SYT1: variants seen among roughly 807,000 people sequenced by gnomAD.
SYT1 encodes the protein synaptotagmin 1, also known as synaptotagmin-1.
Under a neutral mutation model 44.8 loss-of-function variants are expected in SYT1, and 8 were observed. The observed-to-expected ratio is 0.18, with a 90% CI of 0.10 to 0.32. The LOEUF is 0.32. Ranked by LOEUF, SYT1 falls within the 10% of genes least tolerant of loss-of-function variation. The probability of loss-of-function intolerance (pLI) is 1.00; values close to 1 mark genes in which losing one functional copy is unlikely to be tolerated. For missense variants in SYT1, 286 were observed against 509.3 expected, an observed-to-expected ratio of 0.56 and a Z score of 4.22; for synonymous variants, 154 against 188.8, an observed-to-expected ratio of 0.82 and a Z score of 1.51.
chr12:79,430,416 G>A (rs1426584756), intron 9 of SYT1, among the ~76,000 whole-genome samples: 1 of 152,136 alleles, frequency 6.6e-6, no homozygotes, highest in Admixed American at 6.5e-5. Context: ...CTTCCCAACT[G>A]AACTATAAGT....
At chr12:78,990,981 T>G (rs1018443006) in intron 2 of SYT1, among the ~76,000 whole-genome samples, 2 of 152,192 alleles carry the variant, frequency 1.3e-5, no homozygotes, top group African/African-American at 4.8e-5. Flanking sequence ...TATGAGAATC[T>G]TTGTTTTACT....
chr12:79,187,386 C>T (rs1350872654), intron 3 of SYT1, among the ~76,000 whole-genome samples: 1 of 152,070 alleles, frequency 6.6e-6, no homozygotes, highest in Non-Finnish European at 1.5e-5. Flanking sequence ...AAGCAACGCT[C>T]CTAGCACCTC....
intron 1 of SYT1, among the ~76,000 whole-genome samples, chr12:78,890,298 G>A (rs184038640): frequency 5.3e-5 from 8 of 151,840 alleles, no homozygotes; most frequent in African/African-American, 1.9e-4. Context: ...TCCATAGTGG[G>A]AGGGAAAGAA....
At chr12:79,038,188 C>CAT (rs1192443430) in intron 2 of SYT1, among the ~76,000 whole-genome samples, 7 of 150,352 alleles carry the variant, frequency 4.7e-5, no homozygotes, top group Middle Eastern at 3.6e-3. Context: ...TACACACACA[C>CAT]ATATATATAC....
At chr12:79,294,588 A>G (rs1393383452) in intron 6 of SYT1, among the ~76,000 whole-genome samples, 4 of 152,158 alleles carry the variant, frequency 2.6e-5, no homozygotes, top group Non-Finnish European at 5.9e-5. Context: ...AAATATCCAA[A>G]AACTCTAAAT....
intron 8 of SYT1, among the ~76,000 whole-genome samples, chr12:79,305,941 C>G (rs745357983): frequency 3.3e-5 from 5 of 152,212 alleles, no homozygotes; most frequent in Non-Finnish European, 5.9e-5. Flanking sequence ...AAGTGACCCA[C>G]CCACCTCGGC....
At chr12:79,265,479 T>C (rs1281175101) in intron 4 of SYT1, among the ~76,000 whole-genome samples, 1 of 152,152 alleles carries the variant, frequency 6.6e-6, no homozygotes, top group African/African-American at 2.4e-5. Context: ...GATAGTACTA[T>C]ACTAACTGAT....
chr12:78,898,600 T>C (rs910208517), intron 1 of SYT1, among the ~76,000 whole-genome samples: 2 of 152,040 alleles, frequency 1.3e-5, no homozygotes. Context: ...CCTAGTTAGA[T>C]AGAATTCATG....
intron 3 of SYT1, among the ~76,000 whole-genome samples, chr12:79,178,613 C>T (rs1358844484): frequency 1.3e-5 from 2 of 151,568 alleles, no homozygotes; most frequent in Non-Finnish European, 2.9e-5. Flanking sequence ...TATTATTTTT[C>T]TAGGCTCATT....
chr12:79,034,310 T>A (rs1872993168), intron 2 of SYT1, among the ~76,000 whole-genome samples: 1 of 151,608 alleles, frequency 6.6e-6, no homozygotes, highest in Non-Finnish European at 1.5e-5. Flanking sequence ...GGGTAAATAC[T>A]GCTTTCTCCC....
chr12:79,437,849 C>G (rs1870180014), intron 9 of SYT1, among the ~76,000 whole-genome samples: 1 of 152,046 alleles, frequency 6.6e-6, no homozygotes, highest in Non-Finnish European at 1.5e-5. Context: ...AGAGAAAAAT[C>G]CTATCAAACA....
intron 8 of SYT1, among the ~76,000 whole-genome samples, chr12:79,318,452 A>G (rs888422831): frequency 1.3e-5 from 2 of 152,244 alleles, no homozygotes; most frequent in African/African-American, 4.8e-5. Flanking sequence ...TGTGAACTAT[A>G]ACTATGTTAT....
At chr12:79,246,856 G>C (rs1346751308) in intron 4 of SYT1, among the ~76,000 whole-genome samples, 1 of 152,120 alleles carries the variant, frequency 6.6e-6, no homozygotes, top group Non-Finnish European at 1.5e-5. Flanking sequence ...CAATTATTAT[G>C]ATTTTCTGGA....
rs1325242197 is a variant in SYT1 at position 79,207,922 on chromosome 12, T to G, written c.-17-9581T>G. 2.6e-5 allele frequency among the ~76,000 whole-genome samples: 4 copies of G among 152,184 alleles called. No homozygotes were observed. In the South Asian group the frequency reaches 8.3e-4, roughly 32 times the overall value. On this transcript the variant is annotated intron_variant, in intron 3 of 10. Coordinates refer to ENST00000261205, the MANE Select transcript of SYT1 (RefSeq NM_005639.3). ...CAAGAAAGAATTCTCATTAACAATA[T>G]GAAATTTGCAAGTTGGTAAGTCAGT...
intron 2 of SYT1, among the ~76,000 whole-genome samples, chr12:79,035,573 A>T (rs1873077456): frequency 6.6e-6 from 1 of 151,534 alleles, no homozygotes; most frequent in East Asian, 1.9e-4. Context: ...TCTTTCCCTC[A>T]TGCCTTCCTC....
intron 9 of SYT1, among the ~76,000 whole-genome samples, chr12:79,364,995 T>G (rs548371493): frequency 6.6e-6 from 1 of 152,232 alleles, no homozygotes; most frequent in Non-Finnish European, 1.5e-5. Context: ...GTTTTAAAAT[T>G]ATAGGAAAGC....
intron 3 of SYT1, among the ~76,000 whole-genome samples, chr12:79,085,418 G>A (rs753340745): frequency 3.3e-5 from 5 of 151,994 alleles, no homozygotes; most frequent in Admixed American, 6.6e-5. Flanking sequence ...ATCTTAGTCC[G>A]TCTCTTCTGG....
intron 1 of SYT1, among the ~76,000 whole-genome samples, chr12:78,911,957 A>G (rs1876359378): frequency 6.6e-6 from 1 of 152,026 alleles, no homozygotes; most frequent in South Asian, 2.1e-4. Context: ...TAATAGAATC[A>G]TAAAGTCTTC....
chr12:79,427,631 G>A (rs1424193852), intron 9 of SYT1, among the ~76,000 whole-genome samples: 3 of 152,192 alleles, frequency 2.0e-5, no homozygotes, highest in Non-Finnish European at 2.9e-5. Flanking sequence ...CTCTGCTTTA[G>A]AATGAGGAGT....
Sources: allele counts gnomAD v4.1 joint callset (sites outside exome capture counted in the v4.1 genomes callset), GRCh38; gene constraint gnomAD v4.1.1; transcripts MANE v1.5; gene names NCBI Gene and HGNC (gene_info 2026-07-23, HGNC 2026-07-21).